DCUN1D3: variants seen among roughly 807,000 people sequenced by gnomAD.
DCUN1D3 encodes defective in cullin neddylation 1 domain containing 3.
DCUN1D3 carries 6 observed loss-of-function variants against 24.8 expected under a neutral mutation model. The ratio of observed to expected loss-of-function variants is 0.24; its 90% CI spans 0.13 to 0.48. DCUN1D3 has a LOEUF of 0.48. Ranked by LOEUF, DCUN1D3 falls within the 20% of genes least tolerant of loss-of-function variation. DCUN1D3 has a pLI of 0.99. For synonymous variants in DCUN1D3, 120 were observed against 144.9 expected (o/e 0.83, Z 1.24); for missense variants, 258 against 379.4 (o/e 0.68, Z 2.66).
At chr16:20,873,476 T>C (rs924819466) in intron 1 of DCUN1D3, among the ~76,000 whole-genome samples, 2 of 152,168 alleles carry the variant, frequency 1.3e-5, no homozygotes, top group East Asian at 1.9e-4. Context: ...AAATGTGGAA[T>C]GCCTGGAAAT....
Position 20,865,926 on chromosome 16 carries a change from C to T in DCUN1D3, c.-105-3283G>A, listed in dbSNP as rs529965828. 7.2e-5 allele frequency among the ~76,000 whole-genome samples: 11 copies of T among 152,260 alleles called. No homozygotes were observed. The East Asian group carries it at 1.2e-3, about 16-fold the overall frequency. On this transcript the variant is annotated intron_variant, in intron 1 of 2. Coordinates refer to ENST00000324344, the MANE Select transcript of DCUN1D3 (RefSeq NM_173475.4). ...ATCAAGGCCTGTCCCCTTCTCCACC[C>T]GCAAAGAGAGCAATGACAAAAATAC...
intron 1 of DCUN1D3, among the ~76,000 whole-genome samples, chr16:20,863,907 C>T (rs1170811780): frequency 1.3e-5 from 2 of 152,174 alleles, no homozygotes; most frequent in Non-Finnish European, 1.5e-5. Context: ...GCTGGGATAA[C>T]CGGCTAGCCA....
chr16:20,884,286 A>G (rs1325211039), intron 1 of DCUN1D3, among the ~76,000 whole-genome samples: 1 of 152,178 alleles, frequency 6.6e-6, no homozygotes, highest in African/African-American at 2.4e-5. Flanking sequence ...CCCACAAAAG[A>G]TCTTAACCAA....
At chr16:20,863,431 C>T (rs1246267604) in intron 1 of DCUN1D3, among the ~76,000 whole-genome samples, 1 of 152,216 alleles carries the variant, frequency 6.6e-6, no homozygotes, top group East Asian at 1.9e-4. Context: ...TCCAAAGAAG[C>T]ATGTCTCCAC....
At chr16:20,866,624 C>T (rs905550124) in intron 1 of DCUN1D3, among the ~76,000 whole-genome samples, 8 of 152,132 alleles carry the variant, frequency 5.3e-5, no homozygotes, top group Admixed American at 2.0e-4. Context: ...CCAGCTGAAA[C>T]CTGAAAGCTT....
chr16:20,886,640 TACACACAAAC>T (rs1303000036), intron 1 of DCUN1D3, among the ~76,000 whole-genome samples: 5 of 152,240 alleles, frequency 3.3e-5, no homozygotes, highest in African/African-American at 1.2e-4. Flanking sequence ...TTTTAAACCT[TACACACAAAC>T]ACACACAAAA....
At chr16:20,867,179 C>G (rs928204672) in intron 1 of DCUN1D3, among the ~76,000 whole-genome samples, 1 of 152,192 alleles carries the variant, frequency 6.6e-6, no homozygotes, top group African/African-American at 2.4e-5. Flanking sequence ...GATCACACAT[C>G]TGGCTCAAGA....
chr16:20,862,080 C>G (rs2081736281), intron 2 of DCUN1D3, 28 bp downstream of exon 2: 1 of 1,607,114 alleles, frequency 6.2e-7, no homozygotes, highest in African/African-American at 1.3e-5. Flanking sequence ...CACTGCTCAC[C>G]TGGTGACATA....
At chr16:20,882,995 C>A (rs932433113) in intron 1 of DCUN1D3, among the ~76,000 whole-genome samples, 1 of 102,858 alleles carries the variant, frequency 9.7e-6, no homozygotes, top group African/African-American at 4.5e-5. Context: ...ATCCCTTATC[C>A]CAAATGCTTG....
chr16:20,888,787 A>G (rs1305984508), intron 1 of DCUN1D3, among the ~76,000 whole-genome samples: 2 of 152,216 alleles, frequency 1.3e-5, no homozygotes, highest in Admixed American at 6.5e-5. Context: ...TTAAAAAGTC[A>G]TATTAAAAAG....
rs1343738515 is a variant in DCUN1D3 at position 20,860,625 on chromosome 16, G to A, written c.432-256C>T. ...GGCACACGGTTGGCAGCTGATAATG[G>A]TTCATTTATTCATTCATTCATCTTC... On this transcript the variant is annotated intron_variant, in intron 2 of 2. Coordinates refer to ENST00000324344, the MANE Select transcript of DCUN1D3 (RefSeq NM_173475.4). This position sits in a 1 kb window ranked among gnomAD's most constrained non-coding sequence, Gnocchi z 4.3. 6.6e-6 allele frequency among the ~76,000 whole-genome samples: 1 copy of A among 152,092 alleles called. No individual in the cohort carries two copies. The highest frequency in any genetic ancestry group is 1.9e-4 in the East Asian group (1 of 5,188).
chr16:20,880,200 A>T (rs1179431091), intron 1 of DCUN1D3, among the ~76,000 whole-genome samples: 2 of 152,218 alleles, frequency 1.3e-5, no homozygotes, highest in African/African-American at 4.8e-5. Flanking sequence ...CCAAGCAAAT[A>T]GTCAAATATA....
chr16:20,863,353 C>T (rs767679303), intron 1 of DCUN1D3, among the ~76,000 whole-genome samples: 4 of 152,204 alleles, frequency 2.6e-5, no homozygotes, highest in Non-Finnish European at 4.4e-5. Flanking sequence ...CTCAGCAAGG[C>T]TGTACTTAGA....
chr16:20,896,687 T>C (rs969246304), intron 1 of DCUN1D3, among the ~76,000 whole-genome samples: 4 of 152,320 alleles, frequency 2.6e-5, no homozygotes, highest in African/African-American at 2.4e-5. Context: ...ACCCATCAGA[T>C]AGAGCATTTT....
At position 20,889,089 on chromosome 16, in the gene DCUN1D3, G is replaced by A. The variant is rs375377255; in HGVS notation, c.-106+11115C>T. On this transcript the variant is annotated intron_variant, in intron 1 of 2. Transcript: ENST00000324344. Reference sequence around the variant, plus strand: ...CTAAAAACACAAAAATTAGCCGGGCGTGGTGGCACATGCCTGTAGTCCCAG... The same window carrying A: ...CTAAAAACACAAAAATTAGCCGGGCATGGTGGCACATGCCTGTAGTCCCAG... 9.3e-4 allele frequency among the ~76,000 whole-genome samples: 141 copies of A among 152,252 alleles called. 4 individuals carry two copies. The South Asian group carries it at 0.028, about 30-fold the overall frequency.
At chr16:20,868,856 G>C (rs1352437173) in intron 1 of DCUN1D3, 1 of 152,200 alleles carries the variant, frequency 6.6e-6, no homozygotes, top group Non-Finnish European at 1.5e-5. Flanking sequence ...CCAACTTCTA[G>C]GCTTTTTTTC....
intron 1 of DCUN1D3, among the ~76,000 whole-genome samples, chr16:20,886,096 G>A (rs952239147): frequency 1.1e-4 from 16 of 149,450 alleles, no homozygotes; most frequent in Non-Finnish European, 3.0e-5. Context: ...AATACTAATG[G>A]CTATGGTATT....
intron 1 of DCUN1D3, among the ~76,000 whole-genome samples, chr16:20,876,153 GAC>G (rs2081814097): frequency 6.6e-6 from 1 of 151,918 alleles, no homozygotes; most frequent in South Asian, 2.1e-4. Flanking sequence ...TTTCAGTAGA[GAC>G]AGTGTTTCAC....
At chr16:20,876,728 A>C (rs914142103) in intron 1 of DCUN1D3, among the ~76,000 whole-genome samples, 2 of 152,238 alleles carry the variant, frequency 1.3e-5, no homozygotes, top group African/African-American at 4.8e-5. Context: ...TGAATGGATA[A>C]AGAAAATGTG....
Sources: allele counts gnomAD v4.1 joint callset (sites outside exome capture counted in the v4.1 genomes callset), GRCh38; gene constraint gnomAD v4.1.1; non-coding constraint Gnocchi (gnomAD v3.1); transcripts MANE v1.5; gene names NCBI Gene and HGNC (gene_info 2026-07-23, HGNC 2026-07-21).